The following VPS8 variants were observed in gnomAD, a reference collection of about 807,000 sequenced individuals.
VPS8 encodes the protein vacuolar protein sorting-associated protein 8 homolog.
A neutral mutation model predicts 216.4 loss-of-function variants in VPS8; 129 were observed. The ratio of observed to expected loss-of-function variants is 0.60; its 90% CI spans 0.52 to 0.69. The LOEUF (loss-of-function observed/expected upper bound fraction) is 0.69. Among genes scored for constraint, VPS8 ranks in the 30% least tolerant of loss-of-function variants. The pLI is 0.00. For synonymous variants in VPS8, 571 were observed against 565.4 expected, an observed-to-expected ratio of 1.01 and a Z score of -0.14; for missense variants, 1,531 against 1,683.5, an observed-to-expected ratio of 0.91 and a Z score of 1.59.
Position 184,999,793 on chromosome 3 carries a change from A to G in VPS8, c.3934A>G (p.Ser1312Gly). The stretch of plus-strand genomic sequence containing the variant: ...ATGGACATGCTACAAATGCAGTTCA[A>G]GTAACAAAGTAGGAAAACTCAGTGA... The part of the protein sequence containing the change: ...TRWTCYKCSS[S>G]NKVGKLSENS... Residue 1312 changes from serine (S) to glycine (G), a missense_variant, in exon 45 of 48, where the codon AGT (serine) becomes GGT (glycine). Physicochemically the swap from Ser to Gly is moderately conservative, Grantham distance 56. Around this residue, in one of 3 missense-constraint regions of VPS8, gnomAD observed 1,318 missense variants for 1,468.4 expected, o/e 0.90. Coordinates refer to ENST00000625842, the MANE Select transcript of VPS8 (RefSeq NM_001009921.3). 6.2e-7 allele frequency: 1 copy of G among 1,613,170 alleles called. No homozygotes were observed. The highest frequency in any genetic ancestry group is 8.5e-7 in the Non-Finnish European group (1 of 1,179,532).
chr3:184,900,047 T>A (rs1055322693), intron 24 of VPS8, among the ~76,000 whole-genome samples: 1 of 152,248 alleles, frequency 6.6e-6, no homozygotes, highest in African/African-American at 2.4e-5. Context: ...TTTTTTAGAA[T>A]GAAAGCGTGT....
intron 42 of VPS8, among the ~76,000 whole-genome samples, chr3:184,984,544 C>T (rs1251685669): frequency 1.3e-5 from 2 of 152,084 alleles, no homozygotes; most frequent in African/African-American, 4.8e-5. Context: ...CCGCCCGCCT[C>T]AGCCTCCCAA....
At chr3:185,048,670 C>T (rs1360336734) in intron 47 of VPS8, 111 bp downstream of exon 47, 6 of 1,144,694 alleles carry the variant, frequency 5.2e-6, no homozygotes. Context: ...TGGAAGGTGC[C>T]CTGGCATCCC....
chr3:184,834,799 G>A, intron 5 of VPS8, 57 bp downstream of exon 5: 3 of 1,361,226 alleles, frequency 2.2e-6, no homozygotes, highest in South Asian at 2.6e-5. Context: ...TAATGAAGTA[G>A]GAATGAGCAT....
chr3:184,875,812 C>T (rs1729149714), intron 21 of VPS8, among the ~76,000 whole-genome samples: 1 of 139,312 alleles, frequency 7.2e-6, no homozygotes, highest in South Asian at 2.3e-4. Context: ...ATAGTGAAAC[C>T]TTGTCTCTAC....
In VPS8 at chr3:185,052,504, CTG is replaced by C. The variant is rs1004461639; in HGVS notation, c.*482_*483del. On this transcript the variant is annotated 3_prime_UTR_variant, in exon 48 of 48. Coordinates refer to ENST00000625842, the MANE Select transcript of VPS8 (RefSeq NM_001009921.3). ...AAGCATGCCTTGGAGAGAGCAGACA[CTG>C]TGGGGGCCAGGGCCATCTCCCTTTA... The C allele has an allele frequency of 1.3e-5, 2 of 153,682 alleles. No homozygotes were observed. The highest frequency in any genetic ancestry group is 2.9e-5 in the Non-Finnish European group (2 of 69,244). 9.5% of individuals were successfully genotyped at this position (153,682 alleles called of 1,614,324 possible). A position where few individuals can be genotyped will look rare whatever the true frequency, so the allele number is the denominator to read the frequency against.
At chr3:184,928,175 T>G (rs950313799) in intron 31 of VPS8, among the ~76,000 whole-genome samples, 2 of 152,088 alleles carry the variant, frequency 1.3e-5, no homozygotes, top group Non-Finnish European at 2.9e-5. Flanking sequence ...TAGCAGAGAG[T>G]CAGCTCAATG....
chr3:184,825,370 AT>A (rs147504687), intron 2 of VPS8, among the ~76,000 whole-genome samples: 37 of 151,170 alleles, frequency 2.4e-4, no homozygotes, highest in South Asian at 2.3e-3. Flanking sequence ...CTTGCACAGC[AT>A]TTTTTTTTCC....
intron 16 of VPS8, among the ~76,000 whole-genome samples, chr3:184,864,405 A>T (rs1012695487): frequency 6.6e-6 from 1 of 152,192 alleles, no homozygotes; most frequent in Non-Finnish European, 1.5e-5. Flanking sequence ...AAGAGAGAGT[A>T]CTGGAGAAAA....
At chr3:184,955,261 T>A (rs1436802439) in intron 36 of VPS8, among the ~76,000 whole-genome samples, 1 of 152,228 alleles carries the variant, frequency 6.6e-6, no homozygotes, top group Admixed American at 6.5e-5. Context: ...TCCACTTTCA[T>A]GTTCCTCCCG....
At chr3:184,908,975 A>C (rs1735990580) in intron 25 of VPS8, among the ~76,000 whole-genome samples, 1 of 152,254 alleles carries the variant, frequency 6.6e-6, no homozygotes, top group Non-Finnish European at 1.5e-5. Context: ...AGACAGAAAC[A>C]GAAGTTCTCA....
intron 2 of VPS8, among the ~76,000 whole-genome samples, chr3:184,825,646 G>C (rs984225793): frequency 6.6e-6 from 1 of 152,166 alleles, no homozygotes; most frequent in Non-Finnish European, 1.5e-5. Context: ...TCACGCCTGT[G>C]ATTCCAGCAC....
intron 36 of VPS8, among the ~76,000 whole-genome samples, chr3:184,948,886 C>T (rs1744157447): frequency 6.6e-6 from 1 of 152,174 alleles, no homozygotes; most frequent in African/African-American, 2.4e-5. Context: ...AATTATTCCT[C>T]CTGTCCCTGA....
intron 21 of VPS8, among the ~76,000 whole-genome samples, chr3:184,872,648 T>C (rs760073391): frequency 6.6e-6 from 1 of 152,118 alleles, no homozygotes; most frequent in Non-Finnish European, 1.5e-5. Flanking sequence ...TTTCTCTGGA[T>C]TTAATTTTTA....
chr3:184,909,333 C>T (rs1736067386), intron 25 of VPS8, among the ~76,000 whole-genome samples: 1 of 152,138 alleles, frequency 6.6e-6, no homozygotes, highest in African/African-American at 2.4e-5. Flanking sequence ...TCTGAAAAAG[C>T]CAATTTGACA....
chr3:184,971,627 T>C (rs1748422331), intron 39 of VPS8, 22 bp from the exon 40 acceptor site: 1 of 1,586,886 alleles, frequency 6.3e-7, no homozygotes, highest in South Asian at 1.1e-5. Flanking sequence ...TTAAATGATG[T>C]TTACACTTTT....
chr3:184,841,040 A>G (rs979794505), intron 7 of VPS8, among the ~76,000 whole-genome samples: 1 of 152,202 alleles, frequency 6.6e-6, no homozygotes, highest in Non-Finnish European at 1.5e-5. Context: ...TGTAAAACCT[A>G]GTCTTTTCAA....
chr3:185,012,940 T>C (rs1755232704), intron 45 of VPS8, among the ~76,000 whole-genome samples: 2 of 150,988 alleles, frequency 1.3e-5, no homozygotes, highest in African/African-American at 5.0e-5. Context: ...ATTGTTTCTA[T>C]AGATTATAGA....
At position 184,862,885 on chromosome 3, in the gene VPS8, C is replaced by T; in HGVS notation, c.1225-12C>T. 2.5e-6 allele frequency: 4 copies of T among 1,605,192 alleles called. No homozygotes were observed. Among genetic ancestry groups the T allele is most frequent in the Non-Finnish European group, 3.4e-6 (4 of 1,174,308 alleles). ...GGTCTCACTTTTGTTTTGTTGTGTG[C>T]TTGAATTACAGTGGATAAATTCACG... On this transcript the variant is annotated splice_polypyrimidine_tract_variant and intron_variant, in intron 15 of 47. Transcript: ENST00000625842.
Sources: gnomAD v4.1 joint callset for allele counts (sites outside exome capture counted in the v4.1 genomes callset) on GRCh38, gnomAD v4.1.1 for gene constraint, gnomAD v4.1.1 regional missense constraint, MANE v1.5 for transcripts, NCBI Gene and HGNC (gene_info 2026-07-23, HGNC 2026-07-21) for gene names.